The following RELN variants were observed in gnomAD, a reference collection of about 807,000 sequenced individuals.
The protein encoded by RELN is reelin.
In RELN, 108 loss-of-function variants were observed where a neutral mutation model predicts 427.6. That is an observed-to-expected ratio of 0.25 (90% CI 0.22 to 0.30). The LOEUF is 0.30. Among genes scored for constraint, RELN ranks in the 10% least tolerant of loss-of-function variants. The pLI is 1.00. For missense variants in RELN, 3,715 were observed against 4,302.8 expected, an observed-to-expected ratio of 0.86 and a Z score of 3.82; for synonymous variants, 1,524 against 1,513.4, an observed-to-expected ratio of 1.01 and a Z score of -0.16.
intron 3 of RELN, among the ~76,000 whole-genome samples, chr7:103,818,260 C>T (rs76420058): frequency 0.011 from 1,750 of 152,234 alleles, 30 homozygotes; most frequent in African/African-American, 0.036. Context: ...AGACAGAATG[C>T]GTTGCTTTTC....
rs1414205400 is a variant in RELN, at chr7:103,968,901, C to G, written c.226+20230G>C. On this transcript the variant is annotated intron_variant, in intron 1 of 64. Transcript: ENST00000428762. This position sits in a 1 kb window ranked among gnomAD's most constrained non-coding sequence, Gnocchi z 4.3. ...GGAAATATAACAAGCCAGTAAGTACCAGATTTAATTAAAATTTCAGAATCA... is the reference window on the plus strand; with the variant it reads ...GGAAATATAACAAGCCAGTAAGTACGAGATTTAATTAAAATTTCAGAATCA... Among the ~76,000 whole-genome samples, 1 of 151,988 alleles carries G rather than the reference C, an allele frequency of 6.6e-6. No homozygotes were observed. Among genetic ancestry groups the G allele is most frequent in the Non-Finnish European group, 1.5e-5 (1 of 67,988 alleles).
At chr7:103,889,024 G>A (rs928951312) in intron 2 of RELN, among the ~76,000 whole-genome samples, 1 of 152,158 alleles carries the variant, frequency 6.6e-6, no homozygotes, top group African/African-American at 2.4e-5. Context: ...ATGCACTGCA[G>A]CTCCTTGTTC....
chr7:103,574,411 G>A, intron 29 of RELN, 112 bp from the exon 30 acceptor site: 1 of 870,338 alleles, frequency 1.1e-6, no homozygotes, highest in Non-Finnish European at 1.9e-6. Flanking sequence ...ATTAGGGAGA[G>A]AGGCCACATG....
rs561270743 is a variant in RELN at position 103,724,297 on chromosome 7, T to G, written c.754-1106A>C. 2.6e-5 allele frequency among the ~76,000 whole-genome samples: 4 copies of G among 152,164 alleles called. No individual in the cohort carries two copies. In the South Asian group the frequency reaches 8.3e-4, roughly 32 times the overall value. On this transcript the variant is annotated intron_variant, in intron 7 of 64. Transcript: ENST00000428762. The stretch of plus-strand genomic sequence containing the variant: ...CTTTGTTAGCCCTTATATGACAGAG[T>G]CCACAATTGCAGAAGGGTCAAGTGC...
chr7:103,496,396 G>C, intron 56 of RELN, 130 bp downstream of exon 56: 2 of 1,273,256 alleles, frequency 1.6e-6, no homozygotes, highest in South Asian at 1.2e-5. Flanking sequence ...CAAAATAACA[G>C]CTAACATTTG....
chr7:103,560,540 T>C (rs965720187), intron 36 of RELN, among the ~76,000 whole-genome samples: 12 of 152,234 alleles, frequency 7.9e-5, no homozygotes, highest in African/African-American at 2.4e-4. Context: ...TAAAAAGTTA[T>C]AGGACTTCTG....
At chr7:103,899,339 T>G (rs1795030997) in intron 2 of RELN, among the ~76,000 whole-genome samples, 1 of 152,038 alleles carries the variant, frequency 6.6e-6, no homozygotes, top group Non-Finnish European at 1.5e-5. Flanking sequence ...CCAGAGAGAT[T>G]CACAGCCAAA....
chr7:103,947,144 T>G (rs147501889), intron 1 of RELN, among the ~76,000 whole-genome samples: 13 of 152,328 alleles, frequency 8.5e-5, no homozygotes, highest in Admixed American at 5.2e-4. Context: ...TACATATATC[T>G]CATCATTCAA....
At chr7:103,979,951 C>T (rs867485763) in intron 1 of RELN, among the ~76,000 whole-genome samples, 2 of 152,082 alleles carry the variant, frequency 1.3e-5, no homozygotes, top group Non-Finnish European at 2.9e-5. Flanking sequence ...CACCTGAGGT[C>T]GGGAGTGCGA....
rs1435170499 is a variant in RELN, at chr7:103,983,856, C to T, written c.226+5275G>A. On this transcript the variant is annotated intron_variant, in intron 1 of 64. Transcript: ENST00000428762. ...TATTTCTATGTGACACAAAGAACTT[C>T]ATATTTCTGTGTGTGTGTGTGTGTG... Among the ~76,000 whole-genome samples, 3 of 118,984 alleles carry T rather than the reference C, an allele frequency of 2.5e-5. No homozygotes were observed. In the East Asian group the frequency reaches 7.9e-4, roughly 31 times the overall value. 78.1% of individuals were successfully genotyped at this position (118,984 alleles called of 152,430 possible).
At chr7:103,577,790 A>G (rs1831038689) in intron 28 of RELN, among the ~76,000 whole-genome samples, 1 of 152,220 alleles carries the variant, frequency 6.6e-6, no homozygotes, top group Admixed American at 6.5e-5. Flanking sequence ...AAACATGCCA[A>G]TTCCCTAATA....
Position 103,556,189 on chromosome 7 carries a change from T to A in RELN, c.5797+788A>T, listed in dbSNP as rs185048724. 6.4e-4 allele frequency among the ~76,000 whole-genome samples: 98 copies of A among 152,336 alleles called. 3 individuals carry two copies. The highest frequency in any genetic ancestry group is 5.9e-3 in the Admixed American group (91 of 15,300). On this transcript the variant is annotated intron_variant, in intron 38 of 64. Coordinates refer to ENST00000428762, the MANE Select transcript of RELN (RefSeq NM_005045.4). ...TATCTACGGCACTATCTGCTTGGTCTAAGTCCCTCTCACTTCGTCATGGCA... is the reference window on the plus strand; with the variant it reads ...TATCTACGGCACTATCTGCTTGGTCAAAGTCCCTCTCACTTCGTCATGGCA...
chr7:103,815,313 T>A (rs1385979420), intron 3 of RELN, among the ~76,000 whole-genome samples: 1 of 152,168 alleles, frequency 6.6e-6, no homozygotes, highest in Non-Finnish European at 1.5e-5. Context: ...GAATCAACAG[T>A]TTTACTCTTT....
chr7:103,547,661 T>C (rs1446632559), intron 41 of RELN, among the ~76,000 whole-genome samples: 1 of 152,208 alleles, frequency 6.6e-6, no homozygotes, highest in Non-Finnish European at 1.5e-5. Context: ...TATTTTCAAA[T>C]ACTTGTCAGA....
At chr7:103,586,493 C>G (rs933981215) in intron 28 of RELN, among the ~76,000 whole-genome samples, 1 of 152,166 alleles carries the variant, frequency 6.6e-6, no homozygotes, top group Admixed American at 6.5e-5. Context: ...GATGCTCACC[C>G]TCTCTACTCC....
At chr7:103,556,666 T>C (rs1830528683) in intron 38 of RELN, among the ~76,000 whole-genome samples, 4 of 152,154 alleles carry the variant, frequency 2.6e-5, no homozygotes. Flanking sequence ...TTTCCACTTT[T>C]GCATCTTCCT....
At chr7:103,842,602 A>G (rs1024768782) in intron 2 of RELN, among the ~76,000 whole-genome samples, 3 of 152,236 alleles carry the variant, frequency 2.0e-5, no homozygotes, top group African/African-American at 7.2e-5. Context: ...GTAATGCTAC[A>G]AGATATTGAA....
intron 3 of RELN, among the ~76,000 whole-genome samples, chr7:103,825,441 T>G (rs1009985950): frequency 6.6e-6 from 1 of 152,088 alleles, no homozygotes; most frequent in South Asian, 2.1e-4. Flanking sequence ...CACTGGCAAA[T>G]AAAACTAAAA....
intron 3 of RELN, among the ~76,000 whole-genome samples, chr7:103,784,377 G>A (rs1175456796): frequency 1.3e-5 from 2 of 152,140 alleles, no homozygotes; most frequent in Non-Finnish European, 2.9e-5. Flanking sequence ...ACCTACGTCA[G>A]TAAGAGGTGA....
Sources: allele counts gnomAD v4.1 joint callset (sites outside exome capture counted in the v4.1 genomes callset), GRCh38; gene constraint gnomAD v4.1.1; non-coding constraint Gnocchi (gnomAD v3.1); transcripts MANE v1.5; gene names NCBI Gene and HGNC (gene_info 2026-07-23, HGNC 2026-07-21).